Variants in ABCA8 observed in about 807,000 individuals in gnomAD.
ABCA8 encodes ABC-type organic anion transporter ABCA8.
In ABCA8, 177 loss-of-function variants were observed where a neutral mutation model predicts 192.3. That is an observed-to-expected ratio of 0.92 (90% CI 0.81 to 1.04). The LOEUF is 1.04. ABCA8 is among the 50% of genes least tolerant of loss of function. The pLI is 0.00. For synonymous variants in ABCA8, 642 were observed against 690.2 expected, an observed-to-expected ratio of 0.93 and a Z score of 1.09; for missense variants, 1,915 against 1,904.8, an observed-to-expected ratio of 1.01 and a Z score of -0.10.
At chr17:68,904,871 G>T (rs1323955517) in intron 19 of ABCA8, among the ~76,000 whole-genome samples, 1 of 152,176 alleles carries the variant, frequency 6.6e-6, no homozygotes, top group Non-Finnish European at 1.5e-5. Flanking sequence ...ACTGAATGAG[G>T]AGTGGAGAGA....
intron 18 of ABCA8, among the ~76,000 whole-genome samples, chr17:68,907,018 C>G (rs1027641179): frequency 6.6e-6 from 1 of 152,058 alleles, no homozygotes; most frequent in Non-Finnish European, 1.5e-5. Flanking sequence ...TAGAATACCT[C>G]ATACAGAAAG....
chr17:68,924,557 C>A (rs1023362037), intron 11 of ABCA8, 144 bp downstream of exon 11: 4 of 857,188 alleles, frequency 4.7e-6, no homozygotes, highest in Admixed American at 2.8e-5. Context: ...TTTCTTTGAA[C>A]TTGAGATGGA....
chr17:68,875,547 C>T, intron 36 of ABCA8, 67 bp downstream of exon 36: 1 of 1,598,554 alleles, frequency 6.3e-7, no homozygotes, highest in Non-Finnish European at 8.5e-7. Flanking sequence ...TGATCTCTCC[C>T]TGCCACAGAC....
intron 23 of ABCA8, among the ~76,000 whole-genome samples, chr17:68,892,826 T>G (rs1776060086): frequency 6.6e-6 from 1 of 152,160 alleles, no homozygotes; most frequent in Admixed American, 6.6e-5. Flanking sequence ...AGAAGGAAAC[T>G]GAAGATCTTG....
At position 68,883,824 on chromosome 17, in the gene ABCA8, C is replaced by A. The variant is rs141932821; in HGVS notation, c.3674G>T (p.Gly1225Val). 6.3e-7 allele frequency: 1 copy of A among 1,598,708 alleles called. No homozygotes were observed. Among genetic ancestry groups the A allele is most frequent in the South Asian group, 1.2e-5 (1 of 86,598 alleles). ...AGGATCCTTTCTCATTGATTTCTTTCCAAACTTCCATTCCAGACATCGAAG... is the reference window on the plus strand; with the variant it reads ...AGGATCCTTTCTCATTGATTTCTTTACAAACTTCCATTCCAGACATCGAAG... ...FTLRCLEWKF[G>V]KKSMRKDPFF... Residue 1225 changes from glycine (G) to valine (V), a missense_variant, in exon 29 of 40, where the codon GGA (glycine) becomes GTA (valine). Transcript: ENST00000586539.
intron 17 of ABCA8, among the ~76,000 whole-genome samples, chr17:68,912,536 G>C (rs543973357): frequency 6.6e-6 from 1 of 151,996 alleles, no homozygotes; most frequent in Non-Finnish European, 1.5e-5. Context: ...GTTTATTCAA[G>C]GGATAATAAC....
At position 68,941,354 on chromosome 17, in the gene ABCA8, G is replaced by T. The variant is rs140799367; in HGVS notation, c.97-392C>A. On this transcript the variant is annotated intron_variant, in intron 3 of 39. Coordinates refer to ENST00000586539, the MANE Select transcript of ABCA8 (RefSeq NM_001288985.2). ...ATGATCTTAGGGGAAAAAACTTTAC[G>T]ATGTATGTATAGTGGAATTCCAATT... Among the ~76,000 whole-genome samples the T allele has an allele frequency of 1.7e-3, 258 of 152,188 alleles. 7 individuals are homozygous for T. The South Asian group carries it at 0.045, about 27-fold the overall frequency.
chr17:68,940,644 G>C (rs539886328), intron 4 of ABCA8, 114 bp downstream of exon 4: 2 of 921,774 alleles, frequency 2.2e-6, no homozygotes, highest in Admixed American at 2.4e-5. Context: ...CCCAATTCAT[G>C]TACTCCAGAA....
At chr17:68,891,742 G>T in intron 23 of ABCA8, 146 bp from the exon 24 acceptor site, 1 of 559,708 alleles carries the variant, frequency 1.8e-6, no homozygotes, top group Non-Finnish European at 3.0e-6. Flanking sequence ...TATCCTTCCA[G>T]TTTTCACACT....
chr17:68,876,529 C>G lies in ABCA8; in HGVS notation c.4301G>C (p.Gly1434Ala). 6.2e-7 allele frequency: 1 copy of G among 1,614,062 alleles called. No homozygotes were observed. The highest frequency in any genetic ancestry group is 8.5e-7 in the Non-Finnish European group (1 of 1,179,988). ...RKLCFVLSIL[G>A]NPSVVLLDEP... ...ATCCAGAAGCACCACTGACGGGTTCCCCAGTATGCTCAGGACAAAGCACAG... is the reference window on the plus strand; with the variant it reads ...ATCCAGAAGCACCACTGACGGGTTCGCCAGTATGCTCAGGACAAAGCACAG... Residue 1434 changes from glycine to alanine, a missense_variant, in exon 35 of 40, where the codon GGG (glycine) becomes GCG (alanine). Coordinates refer to ENST00000586539, the MANE Select transcript of ABCA8 (RefSeq NM_001288985.2).
chr17:68,933,403 A>G, intron 5 of ABCA8, 132 bp from the exon 6 acceptor site: 1 of 585,314 alleles, frequency 1.7e-6, no homozygotes, highest in East Asian at 2.9e-5. Flanking sequence ...ATTTTGACTC[A>G]AAGCTTATGA....
intron 11 of ABCA8, 77 bp downstream of exon 11, chr17:68,924,624 G>A (rs762429939): frequency 1.1e-4 from 168 of 1,498,290 alleles, no homozygotes; most frequent in Non-Finnish European, 1.4e-4. Context: ...GAGCACAAAA[G>A]GGAACACTGC....
intron 24 of ABCA8, among the ~76,000 whole-genome samples, chr17:68,888,818 G>A (rs1257612510): frequency 6.6e-6 from 1 of 152,054 alleles, no homozygotes; most frequent in Non-Finnish European, 1.5e-5. Flanking sequence ...CCAGTAGAGG[G>A]GATTCGAAGC....
chr17:68,883,615 G>T (rs1373530176), intron 29 of ABCA8, among the ~76,000 whole-genome samples, 176 bp downstream of exon 29: 1 of 152,152 alleles, frequency 6.6e-6, no homozygotes, highest in Middle Eastern at 3.2e-3. Flanking sequence ...TCTTCCACTA[G>T]ATCATAATCT....
chr17:68,952,045 G>T (rs1158370501), intron 1 of ABCA8, among the ~76,000 whole-genome samples: 1 of 152,100 alleles, frequency 6.6e-6, no homozygotes, highest in Non-Finnish European at 1.5e-5. Flanking sequence ...TCCCAAAGAT[G>T]TAAAAGGTGG....
chr17:68,924,909 C>A, intron 10 of ABCA8, 40 bp from the exon 11 acceptor site: 1 of 1,596,480 alleles, frequency 6.3e-7, no homozygotes, highest in Non-Finnish European at 8.5e-7. Context: ...GGTCAATGAC[C>A]ACGTTAGGGA....
chr17:68,922,325 A>C, intron 11 of ABCA8, 25 bp from the exon 12 acceptor site: 1 of 1,323,664 alleles, frequency 7.6e-7, no homozygotes, highest in Non-Finnish European at 1.0e-6. Flanking sequence ...AGATACTTCA[A>C]AGTGACAATT....
intron 24 of ABCA8, 30 bp from the exon 25 acceptor site, chr17:68,887,536 T>G: frequency 6.4e-7 from 1 of 1,561,346 alleles, no homozygotes; most frequent in Non-Finnish European, 8.6e-7. Flanking sequence ...GATACAAAGT[T>G]TGTGGCTTAA....
intron 26 of ABCA8, among the ~76,000 whole-genome samples, chr17:68,885,730 A>T (rs553853560): frequency 6.6e-6 from 1 of 151,926 alleles, no homozygotes; most frequent in Non-Finnish European, 1.5e-5. Flanking sequence ...TTGTATTTTT[A>T]GTAGAGATGG....
Sources: allele counts gnomAD v4.1 joint callset (sites outside exome capture counted in the v4.1 genomes callset), GRCh38; gene constraint gnomAD v4.1.1; transcripts MANE v1.5; gene names NCBI Gene and HGNC (gene_info 2026-07-23, HGNC 2026-07-21).